The following TENM3 variants were observed in gnomAD, a reference collection of about 807,000 sequenced individuals.
The protein encoded by TENM3 is teneurin-3.
Under a neutral mutation model 255.1 loss-of-function variants are expected in TENM3, and 63 were observed. The observed-to-expected ratio is 0.25, with a 90% CI of 0.20 to 0.30. The LOEUF (loss-of-function observed/expected upper bound fraction) is 0.30. Among genes scored for constraint, TENM3 ranks in the 10% least tolerant of loss-of-function variants. The pLI, the probability that TENM3 is intolerant of heterozygous loss-of-function variation, is 1.00. For synonymous variants in TENM3, 1,306 were observed against 1,322.3 expected (o/e 0.99, Z 0.27); for missense variants, 2,929 against 3,461.1 (o/e 0.85, Z 3.86).
intron 3 of TENM3, among the ~76,000 whole-genome samples, chr4:182,538,701 T>C (rs1740574166): frequency 6.6e-6 from 1 of 152,046 alleles, no homozygotes; most frequent in South Asian, 2.1e-4. Flanking sequence ...GAGGTGGTAG[T>C]GGAGTTGAAG....
At chr4:181,987,246 G>A in the TENM3 span, among the ~76,000 whole-genome samples, 1 of 152,040 alleles carries the variant, frequency 6.6e-6, no homozygotes, top group Non-Finnish European at 1.5e-5. Flanking sequence ...GACTCCAAAT[G>A]TCCTGCTCCT....
chr4:182,163,165 A>G (rs1245140317), intron 1 of TENM3, among the ~76,000 whole-genome samples: 1 of 152,016 alleles, frequency 6.6e-6, no homozygotes, highest in Non-Finnish European at 1.5e-5. Flanking sequence ...CCTCACTGGC[A>G]GTTTCCTCTC....
chr4:182,093,336 A>C, the TENM3 span, among the ~76,000 whole-genome samples: 1 of 152,176 alleles, frequency 6.6e-6, no homozygotes, highest in South Asian at 2.1e-4. Context: ...TGGCAGGAGC[A>C]GTACAGTTTT....
In TENM3 at chr4:182,371,195, TC is replaced by T. The variant is rs571544209; in HGVS notation, c.511+24267del. ...TTTTTCCCAGTTTATCATGACTCCTTCGTTTCTGAGGGCCTCAAAAATTCTC... is the reference window on the plus strand; with the variant it reads ...TTTTTCCCAGTTTATCATGACTCCTTGTTTCTGAGGGCCTCAAAAATTCTC... On this transcript the variant is annotated intron_variant, in intron 3 of 27. Transcript: ENST00000511685. 1.0e-4 allele frequency among the ~76,000 whole-genome samples: 15 copies of T among 150,626 alleles called. No individual in the cohort carries two copies. The East Asian group carries it at 2.2e-3, about 22-fold the overall frequency.
intron 1 of TENM3, among the ~76,000 whole-genome samples, chr4:182,291,594 C>T (rs1301890366): frequency 5.9e-5 from 9 of 152,150 alleles, no homozygotes; most frequent in Admixed American, 5.9e-4. Flanking sequence ...CCCCATGGTA[C>T]AGCTGAGGAA....
intron 13 of TENM3, among the ~76,000 whole-genome samples, chr4:182,716,433 C>G (rs961766276): frequency 2.6e-5 from 4 of 152,256 alleles, no homozygotes; most frequent in African/African-American, 9.6e-5. Context: ...CTCTAGGCTC[C>G]CCTCTCGGAG....
At chr4:181,961,958 G>A in the TENM3 span, among the ~76,000 whole-genome samples, 1 of 152,212 alleles carries the variant, frequency 6.6e-6, no homozygotes, top group Middle Eastern at 3.4e-3. Flanking sequence ...CACTATAGGT[G>A]AAAATGTTAC....
the TENM3 span, among the ~76,000 whole-genome samples, chr4:181,490,820 C>G: frequency 8.2e-4 from 124 of 152,146 alleles, 1 homozygote; most frequent in Admixed American, 5.3e-3. Flanking sequence ...AACTTTTACC[C>G]TTTGATGAGT....
chr4:181,679,222 C>T, the TENM3 span, among the ~76,000 whole-genome samples: 1 of 152,130 alleles, frequency 6.6e-6, no homozygotes, highest in African/African-American at 2.4e-5. Flanking sequence ...CTGTACCTCA[C>T]TGCCAGTTTC....
chr4:181,730,745 C>A, the TENM3 span, among the ~76,000 whole-genome samples: 2 of 152,106 alleles, frequency 1.3e-5, no homozygotes, highest in Non-Finnish European at 2.9e-5. Flanking sequence ...CACAGAAAGT[C>A]ACATACTACA....
chr4:182,456,216 G>C (rs1274697653), intron 3 of TENM3, among the ~76,000 whole-genome samples: 2 of 152,178 alleles, frequency 1.3e-5, no homozygotes, highest in Non-Finnish European at 2.9e-5. Flanking sequence ...GAGTATCCCT[G>C]TCTAACTGGC....
At chr4:182,014,500 T>C in the TENM3 span, among the ~76,000 whole-genome samples, 1 of 152,200 alleles carries the variant, frequency 6.6e-6, no homozygotes, top group East Asian at 1.9e-4. Context: ...TCCTCTAGAA[T>C]GTATTATTAA....
At chr4:181,847,552 A>G in the TENM3 span, among the ~76,000 whole-genome samples, 1 of 152,120 alleles carries the variant, frequency 6.6e-6, no homozygotes, top group African/African-American at 2.4e-5. Context: ...CTTGGGGGAA[A>G]AACATTATAT....
At chr4:182,657,470 C>G (rs569728836) in intron 6 of TENM3, among the ~76,000 whole-genome samples, 1 of 152,208 alleles carries the variant, frequency 6.6e-6, no homozygotes, top group East Asian at 1.9e-4. Context: ...ATTCCAGGTT[C>G]ATCTTTGCGG....
the TENM3 span, among the ~76,000 whole-genome samples, chr4:181,583,989 A>T: frequency 6.6e-6 from 1 of 152,344 alleles, no homozygotes. Flanking sequence ...ATAAAGATTT[A>T]GTTGATTAAG....
At chr4:181,924,345 C>G in the TENM3 span, among the ~76,000 whole-genome samples, 2 of 152,064 alleles carry the variant, frequency 1.3e-5, no homozygotes, top group African/African-American at 4.8e-5. Flanking sequence ...TTGTTTCTGA[C>G]CCAGGAGTCT....
At chr4:182,089,143 C>T in the TENM3 span, among the ~76,000 whole-genome samples, 1 of 152,134 alleles carries the variant, frequency 6.6e-6, no homozygotes, top group Non-Finnish European at 1.5e-5. Context: ...CTTTCCAGCC[C>T]CCAGAACTGT....
At chr4:181,865,740 C>A in the TENM3 span, among the ~76,000 whole-genome samples, 2 of 152,160 alleles carry the variant, frequency 1.3e-5, no homozygotes, top group African/African-American at 4.8e-5. Context: ...AGATATGATA[C>A]AGGTCCATAG....
chr4:181,704,896 A>G, the TENM3 span, among the ~76,000 whole-genome samples: 63,131 of 151,732 alleles, frequency 0.42, 13,232 homozygotes, highest in African/African-American at 0.48. Context: ...AGGCTTGGTG[A>G]TACGTGCCTG....
Sources: gnomAD v4.1 joint callset for allele counts (sites outside exome capture counted in the v4.1 genomes callset) on GRCh38, gnomAD v4.1.1 for gene constraint, MANE v1.5 for transcripts, NCBI Gene and HGNC (gene_info 2026-07-23, HGNC 2026-07-21) for gene names.